The following KMT2C variants were observed in gnomAD, a reference collection of about 807,000 sequenced individuals.
KMT2C encodes lysine methyltransferase 2C.
Under a neutral mutation model 507.9 loss-of-function variants are expected in KMT2C, and 88 were observed. The observed-to-expected ratio is 0.17, with a 90% CI of 0.15 to 0.21. The LOEUF is 0.21. KMT2C is among the 10% of genes least tolerant of loss of function. The pLI is 1.00. For missense variants in KMT2C, 4,954 were observed against 5,957.8 expected, an observed-to-expected ratio of 0.83 and a Z score of 5.55; for synonymous variants, 2,049 against 2,080.8, an observed-to-expected ratio of 0.98 and a Z score of 0.42.
In KMT2C at chr7:152,181,243, G is replaced by A. The variant is rs1284287074; in HGVS notation, c.6617C>T (p.Pro2206Leu). Residue 2206 changes from proline to leucine, a missense_variant, in exon 36 of 59, where the codon CCT (proline) becomes CTT (leucine). Physicochemically the swap from Pro to Leu is moderately conservative, Grantham distance 98 (BLOSUM62 -3). Around this residue, in one of 29 missense-constraint regions of KMT2C, gnomAD observed 1,689 missense variants for 1,654.3 expected, o/e 1.02. Transcript: ENST00000262189. ...NQRHSDPYAHPPGTPRPGISV... is the reference protein window; with the variant it reads ...NQRHSDPYAHLPGTPRPGISV... ...AATTCCAGGTCTTGGTGTTCCAGGA[G>A]GATGAGCATATGGATCAGAATGCCT... 2 of 1,614,108 alleles carry A rather than the reference G, an allele frequency of 1.2e-6. No individual in the cohort carries two copies. The highest frequency in any genetic ancestry group is 2.2e-5 in the East Asian group (1 of 44,874).
intron 9 of KMT2C, among the ~76,000 whole-genome samples, chr7:152,260,624 G>A (rs967475440): frequency 2.6e-5 from 4 of 152,064 alleles, no homozygotes; most frequent in Non-Finnish European, 4.4e-5. Context: ...AAAAACTGAA[G>A]AAAATGTTTT....
At chr7:152,297,627 T>C (rs1426541676) in intron 6 of KMT2C, among the ~76,000 whole-genome samples, 1 of 152,190 alleles carries the variant, frequency 6.6e-6, no homozygotes, top group East Asian at 1.9e-4. Context: ...TAATTAGTCC[T>C]GGACTAAGCA....
intron 1 of KMT2C, among the ~76,000 whole-genome samples, chr7:152,401,215 T>C (rs1305323003): frequency 1.1e-4 from 17 of 151,886 alleles, no homozygotes; most frequent in Admixed American, 1.1e-3. Flanking sequence ...GCCTCCCAAG[T>C]AGCCGGGATA....
intron 16 of KMT2C, among the ~76,000 whole-genome samples, chr7:152,231,350 C>T (rs565452249): frequency 6.6e-6 from 1 of 152,306 alleles, no homozygotes; most frequent in Admixed American, 6.5e-5. Context: ...AGGGCATTGC[C>T]AAAATCATAA....
rs771747652 is a variant in KMT2C, at chr7:152,343,451, A to G, written c.251-12712T>C. 2.8e-3 allele frequency among the ~76,000 whole-genome samples: 345 copies of G among 124,102 alleles called. 3 individuals carry two copies. The highest frequency in any genetic ancestry group is 0.023 in the Middle Eastern group (6 of 266). The allele number at this position is 124,102 out of a possible 152,430, so 81.4% of individuals were successfully genotyped here. Reference sequence around the variant, plus strand: ...GAAAAGCAAAGAGAAAAAGACTGGGAAAAAAAAAAAAAAAAAGAACAGAAT... The same window carrying G: ...GAAAAGCAAAGAGAAAAAGACTGGGGAAAAAAAAAAAAAAAAGAACAGAAT... On this transcript the variant is annotated intron_variant, in intron 2 of 58. Transcript: ENST00000262189.
At position 152,146,776 on chromosome 7, in the gene KMT2C, T is replaced by A. The variant is rs751712131; in HGVS notation, c.13895-41A>T. 5.1e-6 allele frequency: 8 copies of A among 1,581,304 alleles called. No homozygotes were observed. The African/African-American group carries it at 1.1e-4, about 21-fold the overall frequency. On this transcript the variant is annotated intron_variant, in intron 52 of 58. Coordinates refer to ENST00000262189, the MANE Select transcript of KMT2C (RefSeq NM_170606.3). ...AACATAATTTTTATAGGAAATAGGATACAGTATAAAAAACAAGAGCAAAAT... is the reference window on the plus strand; with the variant it reads ...AACATAATTTTTATAGGAAATAGGAAACAGTATAAAAAACAAGAGCAAAAT...
At chr7:152,252,518 C>A in intron 10 of KMT2C, 28 bp downstream of exon 10, 1 of 1,585,996 alleles carries the variant, frequency 6.3e-7, no homozygotes, top group Non-Finnish European at 8.6e-7. Context: ...ATCGACAAAA[C>A]AACTGAATAG....
In KMT2C at chr7:152,148,820, C is replaced by T; in HGVS notation, c.13107G>A (p.Gly4369=). 6.2e-7 allele frequency: 1 copy of T among 1,614,216 alleles called. No individual in the cohort carries two copies. Among genetic ancestry groups the T allele is most frequent in the Non-Finnish European group, 8.5e-7 (1 of 1,180,026 alleles). ...CATCCTCACAAGGTGGTTTAAATGT[C>T]CCCTTAGGGATTACAATATGAATGC... ...KWSIHIVIPK[G]TFKPPCEDEI... The change falls in exon 52 of 59, where the codon GGG becomes GGA. Residue 4369 remains glycine, a synonymous_variant. Coordinates refer to ENST00000262189, the MANE Select transcript of KMT2C (RefSeq NM_170606.3). The surrounding 1 kb of genome is among the most constrained non-coding windows in gnomAD (Gnocchi z 7.1).
intron 1 of KMT2C, among the ~76,000 whole-genome samples, chr7:152,430,163 G>A (rs2097852762): frequency 6.7e-6 from 1 of 148,366 alleles, no homozygotes; most frequent in Admixed American, 6.7e-5. Context: ...AGGCAAGAGA[G>A]TGAGACTGTC....
chr7:152,364,734 A>G (rs2097225485), intron 1 of KMT2C, among the ~76,000 whole-genome samples: 1 of 152,210 alleles, frequency 6.6e-6, no homozygotes, highest in South Asian at 2.1e-4. Context: ...ATCTATTCAA[A>G]ATAAAGAACA....
In KMT2C at chr7:152,235,789, G is replaced by C. The variant is rs770806547; in HGVS notation, c.2769+28C>G. 5.9e-6 allele frequency: 8 copies of C among 1,345,388 alleles called. No homozygotes were observed. In the South Asian group the frequency reaches 9.5e-5, roughly 16 times the overall value. The allele number at this position is 1,345,388 out of a possible 1,614,324, so 83.3% of individuals were successfully genotyped here. A position where few individuals can be genotyped will look rare whatever the true frequency, so the allele number is the denominator to read the frequency against. On this transcript the variant is annotated intron_variant, in intron 16 of 58. Coordinates refer to ENST00000262189, the MANE Select transcript of KMT2C (RefSeq NM_170606.3). ...TCATCATTAACTGACATTTAGATTA[G>C]AGAAAATATACATGAAGCAAGCCTC...
Position 152,156,354 on chromosome 7 carries a change from A to G in KMT2C, c.11671-8T>C. ...ATTACTTAAATTATTCTGCTGCAGG[A>G]GACCAAAAAATTTAAATTATATGCT... On this transcript the variant is annotated splice_region_variant and splice_polypyrimidine_tract_variant and intron_variant, in intron 44 of 58. Transcript: ENST00000262189. 2 of 1,613,274 alleles carry G rather than the reference A, an allele frequency of 1.2e-6. No individual in the cohort carries two copies. The highest frequency in any genetic ancestry group is 1.7e-6 in the Non-Finnish European group (2 of 1,179,616).
At chr7:152,209,776 G>C (rs893445079) in intron 23 of KMT2C, among the ~76,000 whole-genome samples, 2 of 149,796 alleles carry the variant, frequency 1.3e-5, no homozygotes, top group Non-Finnish European at 3.0e-5. Context: ...TAGGAAAGGA[G>C]AAAAACAACT....
chr7:152,286,877 C>G (rs1277775118), intron 6 of KMT2C, among the ~76,000 whole-genome samples: 1 of 152,194 alleles, frequency 6.6e-6, no homozygotes, highest in Non-Finnish European at 1.5e-5. Context: ...CAAGAAAATT[C>G]TGCTGTCTTT....
At chr7:152,202,289 G>A (rs1271634853) in intron 26 of KMT2C, among the ~76,000 whole-genome samples, 1 of 152,178 alleles carries the variant, frequency 6.6e-6, no homozygotes, top group Non-Finnish European at 1.5e-5. Context: ...TGCAGAGCCA[G>A]ATATTTAATC....
rs938826373 is a variant in KMT2C, at chr7:152,308,673, C to CAAAAAAAAAAAAA, written c.849+1280_849+1292dup. ...CTGCACAACACAGCAAAACTCCTCT[C>CAAAAAAAAAAAAA]AAAAAAAAAAAAAAAAAAAAAAAAA... On this transcript the variant is annotated intron_variant, in intron 6 of 58. Transcript: ENST00000262189. Among the ~76,000 whole-genome samples the CAAAAAAAAAAAAA allele has an allele frequency of 3.3e-3, 82 of 24,564 alleles. 5 individuals carry two copies. The highest frequency in any genetic ancestry group is 7.1e-3 in the African/African-American group (48 of 6,728). 16.1% of individuals were successfully genotyped at this position (24,564 alleles called of 152,430 possible). A position where few individuals can be genotyped will look rare whatever the true frequency, so the allele number is the denominator to read the frequency against.
intron 6 of KMT2C, among the ~76,000 whole-genome samples, chr7:152,277,367 G>A (rs2096101421): frequency 6.6e-6 from 1 of 152,092 alleles, no homozygotes; most frequent in African/African-American, 2.4e-5. Context: ...TGATCCAGAA[G>A]GTGCAATGTC....
chr7:152,232,584 A>G (rs2095152851), intron 16 of KMT2C, among the ~76,000 whole-genome samples: 1 of 152,194 alleles, frequency 6.6e-6, no homozygotes, highest in African/African-American at 2.4e-5. Flanking sequence ...AAATATACCA[A>G]ACTGATAACA....
rs138819584 is a variant in KMT2C, at chr7:152,183,068, C to A, written c.5171G>T (p.Ser1724Ile). 610 of 1,612,902 alleles carry A rather than the reference C, an allele frequency of 3.8e-4. No individual in the cohort carries two copies. Among genetic ancestry groups the A allele is most frequent in the Non-Finnish European group, 5.1e-4 (598 of 1,179,448 alleles). ...DSMKRQQQQD[S>I]IDPSSRIDSE... ...ATCAATACGAGAGCTGGGATCAATG[C>A]TATCTTGCTGTTGCTGCCTTTTCAT... The change falls in exon 35 of 59, where the codon AGC (serine) becomes ATC (isoleucine). Residue 1724 changes from serine to isoleucine, a missense_variant. Ser to Ile is a moderately radical substitution (Grantham distance 142). Coordinates refer to ENST00000262189, the MANE Select transcript of KMT2C (RefSeq NM_170606.3).
Sources: allele counts gnomAD v4.1 joint callset (sites outside exome capture counted in the v4.1 genomes callset), GRCh38; gene constraint gnomAD v4.1.1; regional missense constraint gnomAD v4.1.1; non-coding constraint Gnocchi (gnomAD v3.1); transcripts MANE v1.5; gene names NCBI Gene and HGNC (gene_info 2026-07-23, HGNC 2026-07-21).